The following COL4A3 variants were observed in gnomAD, a reference collection of about 807,000 sequenced individuals.
COL4A3 encodes collagen type IV alpha 3 chain.
A neutral mutation model predicts 217.4 loss-of-function variants in COL4A3; 135 were observed. The ratio of observed to expected loss-of-function variants is 0.62; its 90% CI spans 0.54 to 0.72. COL4A3 has a LOEUF of 0.72. Among genes scored for constraint, COL4A3 ranks in the 30% least tolerant of loss-of-function variants. The pLI, the probability that COL4A3 is intolerant of heterozygous loss-of-function variation, is 0.00. For synonymous variants in COL4A3, 690 were observed against 736.3 expected (o/e 0.94, Z 1.02); for missense variants, 1,868 against 2,119.9 (o/e 0.88, Z 2.33).
intron 1 of COL4A3, among the ~76,000 whole-genome samples, chr2:227,189,468 G>C (rs72975947): frequency 1.3e-5 from 2 of 151,984 alleles, no homozygotes; most frequent in South Asian, 2.1e-4. Context: ...TCTAATCAAC[G>C]TGATGTGGTG....
Position 227,276,492 on chromosome 2 carries a change from C to A in COL4A3, c.2020+15C>A, listed in dbSNP as rs751581203. 1.3e-6 allele frequency: 2 copies of A among 1,584,824 alleles called. No individual in the cohort carries two copies. The highest frequency in any genetic ancestry group is 2.2e-5 in the South Asian group (2 of 90,498). On this transcript the variant is annotated intron_variant, in intron 27 of 51. Coordinates refer to ENST00000396578, the MANE Select transcript of COL4A3 (RefSeq NM_000091.5). ...AGGTCCACCTGGTAAGTATCCTCTG[C>A]CAAATCTGGTACATGGCATCAGACA...
chr2:227,299,056 A>C (rs2073161455), intron 43 of COL4A3, among the ~76,000 whole-genome samples: 1 of 152,190 alleles, frequency 6.6e-6, no homozygotes, highest in African/African-American at 2.4e-5. Context: ...TCACACTGCA[A>C]CAGGAGAGAG....
chr2:227,195,663 A>ATGTGTGTG (rs1367563699), intron 1 of COL4A3, among the ~76,000 whole-genome samples: 91 of 79,750 alleles, frequency 1.1e-3, no homozygotes, highest in East Asian at 4.9e-3. Context: ...ACATATATAT[A>ATGTGTGTG]TATATGTGTG....
At chr2:227,301,266 C>G (rs957005497) in intron 43 of COL4A3, among the ~76,000 whole-genome samples, 4 of 152,162 alleles carry the variant, frequency 2.6e-5, no homozygotes, top group African/African-American at 9.7e-5. Context: ...AGAGAGCTAC[C>G]ATGGCACATG....
chr2:227,267,032 C>T lies in COL4A3; in HGVS notation c.1448C>T (p.Pro483Leu). 1 of 1,613,970 alleles carries T rather than the reference C, an allele frequency of 6.2e-7. No homozygotes were observed. The highest frequency in any genetic ancestry group is 8.5e-7 in the Non-Finnish European group (1 of 1,179,904). The change falls in exon 23 of 52, where the codon CCA becomes CTA. Residue 483 changes from proline (P) to leucine (L), a missense_variant. By Grantham distance (98) the Pro-to-Leu change is moderately conservative. Around this residue, in one of 2 missense-constraint regions of COL4A3, gnomAD observed 1,503 missense variants for 1,786.1 expected, o/e 0.84. Coordinates refer to ENST00000396578, the MANE Select transcript of COL4A3 (RefSeq NM_000091.5). ...GLLCTQCPYI[P>L]GPPGLPGLPG... ...CTGTGTACACAGTGCCCTTATATCCCAGGGCCTCCCGGTCTCCCAGGATTG... is the reference window on the plus strand; with the variant it reads ...CTGTGTACACAGTGCCCTTATATCCTAGGGCCTCCCGGTCTCCCAGGATTG...
intron 1 of COL4A3, among the ~76,000 whole-genome samples, chr2:227,224,429 A>AAAACAAAC (rs748607325): frequency 6.6e-6 from 1 of 152,208 alleles, no homozygotes; most frequent in Non-Finnish European, 1.5e-5. Flanking sequence ...CCAAACTGAA[A>AAAACAAAC]AAACAAACAA....
intron 43 of COL4A3, among the ~76,000 whole-genome samples, chr2:227,299,067 A>G (rs1386769658): frequency 6.6e-6 from 1 of 152,166 alleles, no homozygotes; most frequent in African/African-American, 2.4e-5. Context: ...CAGGAGAGAG[A>G]ATGAGTGCCA....
intron 37 of COL4A3, among the ~76,000 whole-genome samples, chr2:227,292,154 G>T (rs967824843): frequency 6.6e-5 from 10 of 152,022 alleles, no homozygotes; most frequent in Non-Finnish European, 1.3e-4. Context: ...ATTACTTAGG[G>T]AACCTTCTCC....
intron 48 of COL4A3, 24 bp from the exon 49 acceptor site, chr2:227,308,875 A>G (rs1166197458): frequency 3.1e-6 from 5 of 1,611,478 alleles, no homozygotes; most frequent in African/African-American, 1.3e-5. Flanking sequence ...ACTGAAAGTG[A>G]TACTCAGTCT....
chr2:227,255,545 C>G (rs185910700), intron 15 of COL4A3, among the ~76,000 whole-genome samples: 11 of 152,246 alleles, frequency 7.2e-5, no homozygotes, highest in Admixed American at 5.9e-4. Context: ...AAAAGTCAAT[C>G]CAAACTGCCG....
rs756482952 is a variant in COL4A3 at position 227,257,541 on chromosome 2, C to T, written c.988-62C>T. On this transcript the variant is annotated intron_variant, in intron 17 of 51. Coordinates refer to ENST00000396578, the MANE Select transcript of COL4A3 (RefSeq NM_000091.5). ...TTGTTCATTTTAACTGTACATCTTG[C>T]TTTTTATATGTAAATACTTTGGGTG... 3.6e-6 allele frequency: 5 copies of T among 1,392,502 alleles called. No homozygotes were observed. In the African/African-American group the frequency reaches 7.1e-5, roughly 20 times the overall value. 86.3% of individuals were successfully genotyped at this position (1,392,502 alleles called of 1,614,324 possible). A position where few individuals can be genotyped will look rare whatever the true frequency, so the allele number is the denominator to read the frequency against.
rs536722789 is a variant in COL4A3 at position 227,218,776 on chromosome 2, C to T, written c.88-19192C>T. ...CTTATAAAAGATATCTGATGCTTAA[C>T]GTTTAGAAATCTTGTGACCTGAATT... is the stretch of plus-strand genomic sequence containing the variant. On this transcript the variant is annotated intron_variant, in intron 1 of 51. Transcript: ENST00000396578. Among the ~76,000 whole-genome samples the T allele has an allele frequency of 2.0e-4, 30 of 152,244 alleles. No individual in the cohort carries two copies. In the South Asian group the frequency reaches 5.8e-3, roughly 29 times the overall value.
intron 1 of COL4A3, among the ~76,000 whole-genome samples, chr2:227,171,501 A>G (rs550911253): frequency 1.3e-5 from 2 of 151,968 alleles, no homozygotes; most frequent in African/African-American, 4.8e-5. Flanking sequence ...ATGATGGAAC[A>G]AAATCCACAT....
At chr2:227,215,430 T>C (rs1244529743) in intron 1 of COL4A3, among the ~76,000 whole-genome samples, 1 of 152,082 alleles carries the variant, frequency 6.6e-6, no homozygotes, top group African/African-American at 2.4e-5. Context: ...TATAACCACC[T>C]CCGTATGTGC....
chr2:227,266,775 TG>T (rs1284399971), intron 22 of COL4A3, among the ~76,000 whole-genome samples: 3 of 152,248 alleles, frequency 2.0e-5, no homozygotes, highest in Non-Finnish European at 4.4e-5. Flanking sequence ...GTTAGACTTT[TG>T]GAATTTCCCC....
At chr2:227,294,868 ATCTCC>A in intron 39 of COL4A3, 91 bp from the exon 40 acceptor site, 1 of 953,006 alleles carries the variant, frequency 1.0e-6, no homozygotes, top group Non-Finnish European at 1.7e-6. Flanking sequence ...AATTCCACAC[ATCTCC>A]CTGGTATTCC....
At chr2:227,294,351 G>C in intron 38 of COL4A3, 139 bp from the exon 39 acceptor site, 1 of 758,348 alleles carries the variant, frequency 1.3e-6, no homozygotes, top group Non-Finnish European at 2.4e-6. Context: ...ACAAAATCAT[G>C]GGGTGACCTT....
In COL4A3 at chr2:227,174,484, GTT is replaced by G. The variant is rs1465181628; in HGVS notation, c.87+9675_87+9676del. ...GCCTGGTACAGAATGCATATCCAGCGTTTTTAGTCTAGTGATTATTATTATTA... is the reference window on the plus strand; with the variant it reads ...GCCTGGTACAGAATGCATATCCAGCGTTTAGTCTAGTGATTATTATTATTA... On this transcript the variant is annotated intron_variant, in intron 1 of 51. Coordinates refer to ENST00000396578, the MANE Select transcript of COL4A3 (RefSeq NM_000091.5). Among the ~76,000 whole-genome samples the G allele has an allele frequency of 2.6e-5, 4 of 151,470 alleles. No homozygotes were observed. In the South Asian group the frequency reaches 8.3e-4, roughly 32 times the overall value.
chr2:227,246,910 G>A (rs2069384654), intron 7 of COL4A3, 172 bp downstream of exon 7: 1 of 733,400 alleles, frequency 1.4e-6, no homozygotes, highest in East Asian at 2.6e-5. Context: ...TATGAGTGTA[G>A]GATTAGAGGT....
Sources: allele counts gnomAD v4.1 joint callset (sites outside exome capture counted in the v4.1 genomes callset), GRCh38; gene constraint gnomAD v4.1.1; regional missense constraint gnomAD v4.1.1; transcripts MANE v1.5; gene names NCBI Gene and HGNC (gene_info 2026-07-23, HGNC 2026-07-21).